Variants in RYR1 observed in about 807,000 individuals in gnomAD.
The protein encoded by RYR1 is central core disease of muscle.
RYR1 carries 342 observed loss-of-function variants against 583.5 expected under a neutral mutation model. The observed-to-expected ratio is 0.59, with a 90% CI of 0.54 to 0.64. The LOEUF (loss-of-function observed/expected upper bound fraction) is 0.64. Ranked by LOEUF, RYR1 falls within the 30% of genes least tolerant of loss-of-function variation. The probability of loss-of-function intolerance (pLI) is 0.00; values close to 1 mark genes in which losing one functional copy is unlikely to be tolerated. For missense variants in RYR1, 6,032 were observed against 6,917.2 expected, an observed-to-expected ratio of 0.87 and a Z score of 4.54; for synonymous variants, 2,791 against 2,822.5, an observed-to-expected ratio of 0.99 and a Z score of 0.35.
chr19:38,460,248 TGCCC>T, intron 19 of RYR1, 123 bp from the exon 20 acceptor site: 1 of 834,150 alleles, frequency 1.2e-6, no homozygotes, highest in Non-Finnish European at 2.1e-6. Flanking sequence ...ACACTATGAC[TGCCC>T]GGTGACCTTT....
rs1296491532 is a variant in RYR1 at position 38,516,084 on chromosome 19, C to T, written c.9555-3C>T. On this transcript the variant is annotated splice_region_variant and splice_polypyrimidine_tract_variant and intron_variant, in intron 64 of 105. Coordinates refer to ENST00000359596, the MANE Select transcript of RYR1 (RefSeq NM_000540.3). Reference sequence around the variant, plus strand: ...GGCAGCTAAACACAGCCCCGTCTTCCAGGCTTCGGCCAGCCCTCGGGGAGT... The same window carrying T: ...GGCAGCTAAACACAGCCCCGTCTTCTAGGCTTCGGCCAGCCCTCGGGGAGT... 3.9e-6 allele frequency: 6 copies of T among 1,547,786 alleles called. No individual in the cohort carries two copies. In the East Asian group the frequency reaches 1.2e-4, roughly 32 times the overall value.
At chr19:38,493,392 C>T (rs905416107) in intron 38 of RYR1, among the ~76,000 whole-genome samples, 1 of 152,100 alleles carries the variant, frequency 6.6e-6, no homozygotes, top group Non-Finnish European at 1.5e-5. Context: ...TATCCCACAA[C>T]ATTCAGGAAA....
chr19:38,442,550 CG>C (rs1052424069), intron 3 of RYR1, 97 bp downstream of exon 3: 11 of 828,886 alleles, frequency 1.3e-5, no homozygotes, highest in South Asian at 9.7e-5. Context: ...TGAGAGGACC[CG>C]GGGGTCGCTT....
chr19:38,545,935 C>T (rs935520273), intron 87 of RYR1, among the ~76,000 whole-genome samples: 6 of 152,174 alleles, frequency 3.9e-5, no homozygotes, highest in Admixed American at 6.6e-5. Context: ...TCTATGGGCC[C>T]TACACTGTGG....
intron 84 of RYR1, among the ~76,000 whole-genome samples, chr19:38,542,691 T>C (rs973036925): frequency 6.6e-6 from 1 of 151,590 alleles, no homozygotes; most frequent in Non-Finnish European, 1.5e-5. Context: ...GCTAATTTTG[T>C]ATTTTTTTTA....
intron 2 of RYR1, among the ~76,000 whole-genome samples, chr19:38,441,408 CG>C (rs1245764064): frequency 7.6e-5 from 2 of 26,394 alleles, no homozygotes; most frequent in East Asian, 1.9e-3. Flanking sequence ...TCGGCGGGGG[CG>C]GGGGAGGATG....
rs149233952 is a variant in RYR1, at chr19:38,441,000, A to G, written c.165+136A>G. ...GAAAGTGAGGAGGGGGGCTAAGGCTAAGAGGGGCTACCTGAGGTGGGGAGG... is the reference window on the plus strand; with the variant it reads ...GAAAGTGAGGAGGGGGGCTAAGGCTGAGAGGGGCTACCTGAGGTGGGGAGG... On this transcript the variant is annotated intron_variant, in intron 2 of 105. Transcript: ENST00000359596. 8.0e-4 allele frequency: 643 copies of G among 807,496 alleles called. 6 individuals are homozygous for G. The African/African-American group carries it at 0.01, about 13-fold the overall frequency. The allele number at this position is 807,496 out of a possible 1,614,324, so 50.0% of individuals were successfully genotyped here.
Position 38,561,458 on chromosome 19 carries a change from AG to A in RYR1, c.12624+7del, listed in dbSNP as rs552007166. 1 of 1,605,082 alleles carries A rather than the reference AG, an allele frequency of 6.2e-7. No individual in the cohort carries two copies. Among genetic ancestry groups the A allele is most frequent in the Non-Finnish European group, 8.5e-7 (1 of 1,177,772 alleles). On this transcript the variant is annotated splice_donor_5th_base_variant and intron_variant, in intron 90 of 105. Coordinates refer to ENST00000359596, the MANE Select transcript of RYR1 (RefSeq NM_000540.3). The surrounding 1 kb of genome is among the most constrained non-coding windows in gnomAD (Gnocchi z 4.8). The stretch of plus-strand genomic sequence containing the variant: ...CGCCCAGTGGGAGATGCCCCAGGTC[AG>A]GGAACCCGCGCGCGTGCAAGCTCGC...
Position 38,527,804 on chromosome 19 carries a change from T to G in RYR1, c.10824+20T>G, listed in dbSNP as rs1327115894. On this transcript the variant is annotated intron_variant, in intron 73 of 105. Coordinates refer to ENST00000359596, the MANE Select transcript of RYR1 (RefSeq NM_000540.3). ...GACCAGGTGGGTGGGGCCGGAGGGG[T>G]CTTTCTACTGGGTCTCTGGGCGGAG... The G allele has an allele frequency of 6.2e-7, 1 of 1,608,280 alleles. No homozygotes were observed.
Position 38,512,535 on chromosome 19 carries a change from C to T in RYR1, c.9472+52C>T, listed in dbSNP as rs1262973469. On this transcript the variant is annotated intron_variant, in intron 63 of 105. Transcript: ENST00000359596. The surrounding 1 kb of genome is among the most constrained non-coding windows in gnomAD (Gnocchi z 5.1). ...TTGCGGGGAGTCAGTGTGGCCAACA[C>T]CACCCATCCGGGTGCCTGTGAGAGT... The T allele has an allele frequency of 6.5e-7, 1 of 1,535,644 alleles. No individual in the cohort carries two copies. The highest frequency in any genetic ancestry group is 8.9e-7 in the Non-Finnish European group (1 of 1,120,438).
intron 20 of RYR1, among the ~76,000 whole-genome samples, chr19:38,462,170 G>T (rs1967788404): frequency 6.6e-6 from 1 of 152,184 alleles, no homozygotes; most frequent in Non-Finnish European, 1.5e-5. Flanking sequence ...TCAGTCACGT[G>T]ATCTTGGGCA....
At chr19:38,476,438 C>T (rs1383957075) in intron 29 of RYR1, among the ~76,000 whole-genome samples, 1 of 152,178 alleles carries the variant, frequency 6.6e-6, no homozygotes, top group East Asian at 1.9e-4. Flanking sequence ...ACCTCGTGGT[C>T]TACCCGCCTC....
intron 67 of RYR1, 26 bp from the exon 68 acceptor site, chr19:38,523,002 C>T (rs1195000414): frequency 6.4e-7 from 1 of 1,554,178 alleles, no homozygotes; most frequent in Non-Finnish European, 8.7e-7. Flanking sequence ...CCACCCCCTC[C>T]CTCACCTCCC....
chr19:38,455,777 A>C, intron 16 of RYR1, 26 bp downstream of exon 16: 2 of 1,405,576 alleles, frequency 1.4e-6, no homozygotes, highest in Non-Finnish European at 2.0e-6. Flanking sequence ...CTGACCTCTC[A>C]TCCCCTGAAC....
rs1970029508 is a variant in RYR1, at chr19:38,499,925, C to A, written c.7232C>A (p.Pro2411His). The A allele has an allele frequency of 6.2e-7, 1 of 1,614,164 alleles. No individual in the cohort carries two copies. Among genetic ancestry groups the A allele is most frequent in the Non-Finnish European group, 8.5e-7 (1 of 1,180,014 alleles). Residue 2411 changes from proline to histidine, a missense_variant, in exon 45 of 106, where the codon CCT becomes CAT. Physicochemically the swap from Pro to His is moderately conservative, Grantham distance 77. Coordinates refer to ENST00000359596, the MANE Select transcript of RYR1 (RefSeq NM_000540.3). This position sits in a 1 kb window ranked among gnomAD's most constrained non-coding sequence, Gnocchi z 7.3. ...CCCTGCAGCTTTGGTGAGGAACCGC[C>A]TGAAGAAAACCGGGTGCACCTGGGA... is the stretch of plus-strand genomic sequence containing the variant. ...RRREHFGEEP[P>H]EENRVHLGHA... is the part of the protein sequence containing the mutation.
Position 38,485,958 on chromosome 19 carries a change from C to T in RYR1, c.5303C>T (p.Thr1768Ile), listed in dbSNP as rs1969268506. 1 of 1,613,604 alleles carries T rather than the reference C, an allele frequency of 6.2e-7. No individual in the cohort carries two copies. The highest frequency in any genetic ancestry group is 1.3e-5 in the African/African-American group (1 of 74,936). ...CATGGCCTGCCGGGAGTTGGAGTCA[C>T]CACTTCGCTGAGGCCCCCGCATCAT... Reference protein sequence around the residue: ...PRHGLPGVGVTTSLRPPHHFS... With the variant: ...PRHGLPGVGVITSLRPPHHFS... Residue 1768 changes from threonine (T) to isoleucine (I), a missense_variant, in exon 34 of 106, where the codon ACC becomes ATC. Thr to Ile is a moderately conservative substitution (Grantham distance 89, BLOSUM62 -1). Around this residue, in one of 11 missense-constraint regions of RYR1, gnomAD observed 2,627 missense variants for 2,961.3 expected, o/e 0.89. Transcript: ENST00000359596.
chr19:38,474,258 CT>C (rs1400897267), intron 28 of RYR1, among the ~76,000 whole-genome samples: 1 of 151,748 alleles, frequency 6.6e-6, no homozygotes, highest in East Asian at 1.9e-4. Context: ...CAGTGGTTTC[CT>C]TTTTTTCTTT....
intron 73 of RYR1, 68 bp downstream of exon 73, chr19:38,527,852 AG>A: frequency 6.4e-7 from 1 of 1,565,922 alleles, no homozygotes; most frequent in Non-Finnish European, 8.7e-7. Context: ...AGGGGCTTCA[AG>A]GATGTGGGTG....
chr19:38,494,380 G>C lies in RYR1; in HGVS notation c.6303G>C (p.Met2101Ile). The C allele has an allele frequency of 6.2e-7, 1 of 1,611,726 alleles. No homozygotes were observed. The highest frequency in any genetic ancestry group is 1.1e-5 in the South Asian group (1 of 90,998). The part of the protein sequence containing the change: ...PRSLQELVSH[M>I]VVRWAQEDFV... ...CCCTGCAGGAGCTGGTGTCCCACAT[G>C]GTGGTGCGCTGGGCCCAAGAGGACT... Residue 2101 changes from methionine (M) to isoleucine (I), a missense_variant, in exon 39 of 106, where the codon ATG (methionine) becomes ATC (isoleucine). By Grantham distance (10) the Met-to-Ile change is conservative (BLOSUM62 1). Transcript: ENST00000359596.
Sources: gnomAD v4.1 joint callset for allele counts (sites outside exome capture counted in the v4.1 genomes callset) on GRCh38, gnomAD v4.1.1 for gene constraint, gnomAD v4.1.1 regional missense constraint, Gnocchi (gnomAD v3.1) non-coding constraint, MANE v1.5 for transcripts, NCBI Gene and HGNC (gene_info 2026-07-23, HGNC 2026-07-21) for gene names.